FMN1: variants seen among roughly 807,000 people sequenced by gnomAD.
The protein encoded by FMN1 is formin 1.
Under a neutral mutation model 132.4 loss-of-function variants are expected in FMN1, and 110 were observed. That is an observed-to-expected ratio of 0.83 (90% CI 0.71 to 0.97). FMN1 has a LOEUF of 0.97. Ranked by LOEUF, FMN1 falls within the 50% of genes least tolerant of loss-of-function variation. FMN1 has a pLI of 0.00. For synonymous variants in FMN1, 722 were observed against 651.7 expected (o/e 1.11, Z -1.64); for missense variants, 1,792 against 1,705.3 (o/e 1.05, Z -0.90).
intron 16 of FMN1, among the ~76,000 whole-genome samples, chr15:32,879,061 C>T (rs2059701845): frequency 1.3e-5 from 2 of 152,246 alleles, no homozygotes; most frequent in East Asian, 1.9e-4. Flanking sequence ...TCTTTGAAGG[C>T]ATTTCATTTG....
chr15:33,017,232 T>C (rs780939949), intron 6 of FMN1, among the ~76,000 whole-genome samples: 1 of 152,202 alleles, frequency 6.6e-6, no homozygotes, highest in Non-Finnish European at 1.5e-5. Flanking sequence ...CTCTGTATGC[T>C]ACTATAATAG....
intron 16 of FMN1, among the ~76,000 whole-genome samples, chr15:32,883,062 T>C (rs1344704312): frequency 6.6e-6 from 1 of 152,232 alleles, no homozygotes; most frequent in Admixed American, 6.5e-5. Context: ...CCTCCCACAG[T>C]AACACAAAGT....
chr15:32,870,272 A>G (rs1291551432), intron 16 of FMN1, among the ~76,000 whole-genome samples: 5 of 152,224 alleles, frequency 3.3e-5, no homozygotes, highest in Non-Finnish European at 7.3e-5. Context: ...GGCTACTTTG[A>G]TCACGTGCAG....
chr15:32,838,711 G>C (rs1156676769), intron 17 of FMN1, among the ~76,000 whole-genome samples: 2 of 152,178 alleles, frequency 1.3e-5, no homozygotes, highest in Admixed American at 1.3e-4. Flanking sequence ...CCTACTTCCT[G>C]CTCATTAAAA....
At chr15:33,061,612 T>G (rs1056154985) in intron 6 of FMN1, among the ~76,000 whole-genome samples, 1 of 151,418 alleles carries the variant, frequency 6.6e-6, no homozygotes, top group Non-Finnish European at 1.5e-5. Flanking sequence ...TCTAGAAGAA[T>G]GAATATATAA....
chr15:32,956,183 C>T (rs1473647525), intron 9 of FMN1, among the ~76,000 whole-genome samples: 1 of 152,028 alleles, frequency 6.6e-6, no homozygotes, highest in African/African-American at 2.4e-5. Flanking sequence ...AAGGTGCCCT[C>T]TTGTGGTGTG....
At chr15:32,774,755 T>A (rs918688983) in intron 20 of FMN1, among the ~76,000 whole-genome samples, 3 of 151,294 alleles carry the variant, frequency 2.0e-5, no homozygotes, top group Non-Finnish European at 2.9e-5. Context: ...AAAAAAAAAA[T>A]TACTATTTCC....
intron 7 of FMN1, among the ~76,000 whole-genome samples, chr15:33,005,011 C>T (rs538499480): frequency 1.2e-3 from 184 of 152,030 alleles, no homozygotes; most frequent in Non-Finnish European, 2.1e-3. Flanking sequence ...GACACAGGAA[C>T]GGGAACATCA....
intron 6 of FMN1, among the ~76,000 whole-genome samples, chr15:33,048,466 A>C (rs1315710427): frequency 6.6e-6 from 1 of 151,940 alleles, no homozygotes; most frequent in African/African-American, 2.4e-5. Flanking sequence ...GAAAGGATTC[A>C]TGAAAGGATA....
intron 9 of FMN1, among the ~76,000 whole-genome samples, chr15:32,946,766 A>C (rs1236330288): frequency 6.6e-6 from 1 of 152,214 alleles, no homozygotes; most frequent in Non-Finnish European, 1.5e-5. Flanking sequence ...GACATACACG[A>C]GTAAGAGGCA....
At chr15:32,887,421 C>G (rs1247506840) in intron 16 of FMN1, among the ~76,000 whole-genome samples, 1 of 152,050 alleles carries the variant, frequency 6.6e-6, no homozygotes, top group Non-Finnish European at 1.5e-5. Flanking sequence ...ACACGAGACT[C>G]TAGAAATGCC....
intron 6 of FMN1, among the ~76,000 whole-genome samples, chr15:33,053,629 T>TC (rs1336721215): frequency 1.3e-5 from 2 of 151,940 alleles, no homozygotes. Context: ...CCCACAATAC[T>TC]CCCCATCTCA....
intron 8 of FMN1, among the ~76,000 whole-genome samples, chr15:32,965,920 T>C (rs1334061088): frequency 6.6e-6 from 1 of 152,162 alleles, no homozygotes; most frequent in Non-Finnish European, 1.5e-5. Context: ...TGCTACTCAC[T>C]TAACTTCAAC....
At position 33,056,706 on chromosome 15, in the gene FMN1, C is replaced by T. The variant is rs147246669; in HGVS notation, c.2161+8251G>A. ...CACAAACTTTGAACAACATCAGTGT[C>T]CACCAGCATTAGAACTGGATAAATA... On this transcript the variant is annotated intron_variant, in intron 6 of 20. Transcript: ENST00000616417. Among the ~76,000 whole-genome samples, 463 of 152,318 alleles carry T rather than the reference C, an allele frequency of 3.0e-3. 6 individuals are homozygous for T. The highest frequency in any genetic ancestry group is 0.01 in the African/African-American group (431 of 41,562).
At chr15:33,098,067 G>C (rs556693151) in intron 4 of FMN1, among the ~76,000 whole-genome samples, 17 of 152,060 alleles carry the variant, frequency 1.1e-4, no homozygotes, top group African/African-American at 4.1e-4. Flanking sequence ...TGGCTACAAT[G>C]GAATTAAATT....
rs1406313212 is a variant in FMN1, at chr15:32,767,785, A to G, written c.*6525T>C. ...TGGAGTAGACCTATCCCTTAGGTAGATCCCCAAAACCTATTTGTGTCATTG... is the reference window on the plus strand; with the variant it reads ...TGGAGTAGACCTATCCCTTAGGTAGGTCCCCAAAACCTATTTGTGTCATTG... On this transcript the variant is annotated 3_prime_UTR_variant, in exon 21 of 21. Transcript: ENST00000616417. The G allele has an allele frequency of 6.6e-6, 1 of 152,174 alleles. No homozygotes were observed. Among genetic ancestry groups the G allele is most frequent in the Admixed American group, 6.5e-5 (1 of 15,278 alleles). The allele number at this position is 152,174 out of a possible 1,614,324, so 9.4% of individuals were successfully genotyped here.
intron 19 of FMN1, among the ~76,000 whole-genome samples, chr15:32,797,693 T>A (rs1327305649): frequency 6.6e-6 from 1 of 152,162 alleles, no homozygotes; most frequent in Non-Finnish European, 1.5e-5. Flanking sequence ...GATAAACACA[T>A]CTTTAACTTC....
At chr15:32,988,699 A>C (rs1220429594) in intron 7 of FMN1, among the ~76,000 whole-genome samples, 2 of 152,162 alleles carry the variant, frequency 1.3e-5, no homozygotes, top group Non-Finnish European at 1.5e-5. Context: ...CAGACGGTGA[A>C]TCTTACAGGG....
chr15:32,993,961 T>C (rs1040782998), intron 7 of FMN1, among the ~76,000 whole-genome samples: 1 of 151,930 alleles, frequency 6.6e-6, no homozygotes, highest in African/African-American at 2.4e-5. Flanking sequence ...CATATTCCTC[T>C]GCTCAGAATT....
Sources: gnomAD v4.1 joint callset for allele counts (sites outside exome capture counted in the v4.1 genomes callset) on GRCh38, gnomAD v4.1.1 for gene constraint, MANE v1.5 for transcripts, NCBI Gene and HGNC (gene_info 2026-07-23, HGNC 2026-07-21) for gene names.